Variants in GRIN2B observed in about 807,000 individuals in gnomAD.
The protein encoded by GRIN2B is glutamate ionotropic receptor NMDA type subunit 2B.
A neutral mutation model predicts 114.5 loss-of-function variants in GRIN2B; 5 were observed. The ratio of observed to expected loss-of-function variants is 0.04; its 90% CI spans 0.02 to 0.09. The LOEUF (loss-of-function observed/expected upper bound fraction) is 0.09, where lower values mean the gene tolerates loss of function less well. Among genes scored for constraint, GRIN2B ranks in the 10% least tolerant of loss-of-function variants. The pLI, the probability that GRIN2B is intolerant of heterozygous loss-of-function variation, is 1.00. For synonymous variants in GRIN2B, 787 were observed against 745.1 expected, an observed-to-expected ratio of 1.06 and a Z score of -0.92; for missense variants, 1,108 against 1,943.5, an observed-to-expected ratio of 0.57 and a Z score of 8.08.
chr12:13,792,201 T>C (rs1037438779), intron 3 of GRIN2B, among the ~76,000 whole-genome samples: 7 of 152,224 alleles, frequency 4.6e-5, no homozygotes, highest in Admixed American at 6.5e-5. Flanking sequence ...TGCCAGCATT[T>C]TGAGTGCTTG....
intron 8 of GRIN2B, among the ~76,000 whole-genome samples, chr12:13,612,801 T>TA (rs1342407902): frequency 6.6e-6 from 1 of 152,228 alleles, no homozygotes; most frequent in African/African-American, 2.4e-5. Context: ...TGTCCCATGA[T>TA]ACAATGCTCC....
rs141730031 is a variant in GRIN2B, at chr12:13,563,281, C to T, written c.3957G>A (p.Pro1319=). ...DLQKEEAALA[P]RSVSLKDKGR... ...CCTTGTCTTTCAGGCTTACGCTGCG[C>T]GGGGCCAGGGCGGCTTCTTCCTTCT... Residue 1319 remains proline (P), a synonymous_variant, in exon 14 of 14, where the codon CCG becomes CCA. Coordinates refer to ENST00000609686, the MANE Select transcript of GRIN2B (RefSeq NM_000834.5). 122 of 1,614,104 alleles carry T rather than the reference C, an allele frequency of 7.6e-5. 1 individual carries two copies. Among genetic ancestry groups the T allele is most frequent in the Admixed American group, 7.2e-4 (43 of 60,014 alleles).
chr12:13,590,797 T>C (rs1261025043), intron 10 of GRIN2B, among the ~76,000 whole-genome samples: 1 of 152,116 alleles, frequency 6.6e-6, no homozygotes, highest in Non-Finnish European at 1.5e-5. Context: ...ACCAGTTTTA[T>C]AATTTGCCCA....
At chr12:13,954,819 A>AAAAAAAAAAAAAAAAAAAAAAAC (rs1867558002) in intron 2 of GRIN2B, among the ~76,000 whole-genome samples, 1 of 147,040 alleles carries the variant, frequency 6.8e-6, no homozygotes, top group Non-Finnish European at 1.5e-5. Flanking sequence ...AGGAAAAAAA[A>AAAAAAAAAAAAAAAAAAAAAAAC]AAAAAAAAAA....
At chr12:13,692,983 G>T (rs1199058903) in intron 4 of GRIN2B, among the ~76,000 whole-genome samples, 1 of 151,740 alleles carries the variant, frequency 6.6e-6, no homozygotes, top group Admixed American at 6.6e-5. Context: ...GGTCAGGCTG[G>T]TCCCAAACTC....
Position 13,699,367 on chromosome 12 carries a change from A to T in GRIN2B, c.1011-23508T>A, listed in dbSNP as rs11055591. On this transcript the variant is annotated intron_variant, in intron 4 of 13. Transcript: ENST00000609686. ...GGGTCTCCTAAATGGAAGTACAGTA[A>T]GCAAGCTTGGAACTTTTATCAAGGT... 5.0e-3 allele frequency among the ~76,000 whole-genome samples: 769 copies of T among 152,292 alleles called. 6 individuals carry two copies. Among genetic ancestry groups the T allele is most frequent in the African/African-American group, 0.018 (733 of 41,546 alleles).
chr12:13,764,311 C>T (rs529304451), intron 3 of GRIN2B, among the ~76,000 whole-genome samples: 6 of 152,162 alleles, frequency 3.9e-5, no homozygotes, highest in Non-Finnish European at 8.8e-5. Flanking sequence ...CTAATCCTGT[C>T]AACATTCCTG....
chr12:13,794,916 C>T (rs1338144918), intron 3 of GRIN2B, among the ~76,000 whole-genome samples: 1 of 152,220 alleles, frequency 6.6e-6, no homozygotes, highest in African/African-American at 2.4e-5. Context: ...AAATTCAGTT[C>T]CACTTTTCTA....
Position 13,686,150 on chromosome 12 carries a change from T to C in GRIN2B, c.1011-10291A>G, listed in dbSNP as rs75921570. On this transcript the variant is annotated intron_variant, in intron 4 of 13. Transcript: ENST00000609686. ...TAAGTTTCACTCTAACGCAGTACAT[T>C]ATGGCACTGTTTCTAGACCAGGTTA... 2.2e-3 allele frequency among the ~76,000 whole-genome samples: 337 copies of C among 152,280 alleles called. 7 individuals carry two copies. The East Asian group carries it at 0.062, about 28-fold the overall frequency.
intron 2 of GRIN2B, among the ~76,000 whole-genome samples, chr12:13,948,265 C>T (rs1335716178): frequency 6.6e-6 from 1 of 152,094 alleles, no homozygotes; most frequent in East Asian, 1.9e-4. Flanking sequence ...TAAATGCTTT[C>T]TTTTCATAAG....
chr12:13,549,123 C>A lies in GRIN2B; in HGVS notation c.*13660G>T, dbSNP rs1368982073. The A allele has an allele frequency of 6.6e-6, 1 of 152,140 alleles. No homozygotes were observed. Among genetic ancestry groups the A allele is most frequent in the Non-Finnish European group, 1.5e-5 (1 of 68,026 alleles). 9.4% of individuals were successfully genotyped at this position (152,140 alleles called of 1,614,324 possible). A position where few individuals can be genotyped will look rare whatever the true frequency, so the allele number is the denominator to read the frequency against. ...CAGCCCAAACTAAAGATACTAAAAT[C>A]TTTGGAAAGATGGATTATATCCTGA... is the stretch of plus-strand genomic sequence containing the variant. On this transcript the variant is annotated 3_prime_UTR_variant, in exon 14 of 14. Coordinates refer to ENST00000609686, the MANE Select transcript of GRIN2B (RefSeq NM_000834.5).
intron 3 of GRIN2B, among the ~76,000 whole-genome samples, chr12:13,806,563 T>A (rs1487613406): frequency 6.6e-6 from 1 of 152,106 alleles, no homozygotes; most frequent in Non-Finnish European, 1.5e-5. Context: ...CCATTTTAAG[T>A]CAGGTTATTA....
intron 3 of GRIN2B, among the ~76,000 whole-genome samples, chr12:13,780,107 G>T (rs955032879): frequency 1.3e-5 from 2 of 151,994 alleles, no homozygotes; most frequent in Non-Finnish European, 2.9e-5. Context: ...TCTCAGTTGC[G>T]GAAATAATTA....
At chr12:13,672,819 AC>A (rs148655297) in intron 5 of GRIN2B, among the ~76,000 whole-genome samples, 4,272 of 152,046 alleles carry the variant, frequency 0.028, 186 homozygotes, top group African/African-American at 0.097. Context: ...AGTATGATCT[AC>A]AAAAATTCAA....
chr12:13,601,181 A>T (rs559159039), intron 10 of GRIN2B, among the ~76,000 whole-genome samples: 2 of 152,244 alleles, frequency 1.3e-5, no homozygotes, highest in Non-Finnish European at 2.9e-5. Flanking sequence ...GCCATAAAAA[A>T]TAGCCACGAA....
intron 5 of GRIN2B, among the ~76,000 whole-genome samples, chr12:13,655,654 C>A (rs1258952149): frequency 6.6e-6 from 1 of 152,146 alleles, no homozygotes; most frequent in African/African-American, 2.4e-5. Context: ...CTAAACCTCT[C>A]TGGGCCTCAT....
intron 10 of GRIN2B, among the ~76,000 whole-genome samples, chr12:13,574,372 A>ATTT (rs1394850170): frequency 6.6e-6 from 1 of 152,278 alleles, no homozygotes; most frequent in Non-Finnish European, 1.5e-5. Flanking sequence ...ATAGCAATAC[A>ATTT]ACTAATTAAC....
At chr12:13,914,423 G>A (rs961507163) in intron 2 of GRIN2B, among the ~76,000 whole-genome samples, 4 of 152,180 alleles carry the variant, frequency 2.6e-5, no homozygotes, top group Admixed American at 1.3e-4. Flanking sequence ...GGGAATAACG[G>A]ATGCTAGTGA....
At chr12:13,623,689 C>A (rs1488402669) in intron 5 of GRIN2B, among the ~76,000 whole-genome samples, 1 of 151,938 alleles carries the variant, frequency 6.6e-6, no homozygotes, top group East Asian at 1.9e-4. Context: ...TGATAGTAAC[C>A]CTTCATCTCT....
Sources: allele counts gnomAD v4.1 joint callset (sites outside exome capture counted in the v4.1 genomes callset), GRCh38; gene constraint gnomAD v4.1.1; transcripts MANE v1.5; gene names NCBI Gene and HGNC (gene_info 2026-07-23, HGNC 2026-07-21).